The following RYR3 variants were observed in gnomAD, a reference collection of about 807,000 sequenced individuals.
RYR3 encodes the protein ryanodine receptor 3, also known as brain ryanodine receptor-calcium release channel.
Under a neutral mutation model 584.3 loss-of-function variants are expected in RYR3, and 207 were observed. The ratio of observed to expected loss-of-function variants is 0.35; its 90% CI spans 0.32 to 0.40. The LOEUF (loss-of-function observed/expected upper bound fraction) is 0.40. Ranked by LOEUF, RYR3 falls within the 10% of genes least tolerant of loss-of-function variation. The pLI is 1.00. For synonymous variants in RYR3, 2,416 were observed against 2,248.5 expected, an observed-to-expected ratio of 1.07 and a Z score of -2.11; for missense variants, 5,616 against 6,089.2, an observed-to-expected ratio of 0.92 and a Z score of 2.59.
intron 3 of RYR3, among the ~76,000 whole-genome samples, chr15:33,504,441 A>T (rs1240927488): frequency 1.3e-5 from 2 of 152,214 alleles, no homozygotes; most frequent in African/African-American, 4.8e-5. Flanking sequence ...CTCAAATTCA[A>T]CCATTTCTCT....
chr15:33,319,326 C>T (rs1214193162), intron 1 of RYR3, among the ~76,000 whole-genome samples: 1 of 152,156 alleles, frequency 6.6e-6, no homozygotes, highest in East Asian at 1.9e-4. Context: ...GACCAGAAGC[C>T]GAATCCAAGA....
intron 1 of RYR3, among the ~76,000 whole-genome samples, chr15:33,339,381 G>GT (rs1595770461): frequency 1.3e-5 from 2 of 152,224 alleles, no homozygotes; most frequent in Non-Finnish European, 2.9e-5. Flanking sequence ...CAGGGAACGA[G>GT]TTACAAGACT....
At chr15:33,750,606 C>T (rs2071186193) in intron 57 of RYR3, among the ~76,000 whole-genome samples, 1 of 152,164 alleles carries the variant, frequency 6.6e-6, no homozygotes, top group South Asian at 2.1e-4. Flanking sequence ...TTTGTATATT[C>T]TCTTTATTGG....
intron 3 of RYR3, among the ~76,000 whole-genome samples, chr15:33,511,197 A>T (rs1434629660): frequency 6.6e-6 from 1 of 152,070 alleles, no homozygotes; most frequent in African/African-American, 2.4e-5. Context: ...GCTTGCTTAT[A>T]GTTTGTTGAT....
At chr15:33,391,784 A>G (rs1404171130) in intron 1 of RYR3, among the ~76,000 whole-genome samples, 1 of 152,036 alleles carries the variant, frequency 6.6e-6, no homozygotes, top group Non-Finnish European at 1.5e-5. Flanking sequence ...GCCCAATTTG[A>G]TCATTTAGGA....
At chr15:33,818,029 C>G (rs2076910492) in intron 75 of RYR3, among the ~76,000 whole-genome samples, 1 of 152,134 alleles carries the variant, frequency 6.6e-6, no homozygotes, top group South Asian at 2.1e-4. Context: ...CTCTCAGGAG[C>G]AACAAGAATT....
At chr15:33,604,297 T>C (rs1306708492) in intron 18 of RYR3, among the ~76,000 whole-genome samples, 1 of 152,230 alleles carries the variant, frequency 6.6e-6, no homozygotes, top group Non-Finnish European at 1.5e-5. Context: ...GGTAGCTACA[T>C]AACTTATCGC....
At chr15:33,564,255 C>T (rs957677629) in intron 11 of RYR3, among the ~76,000 whole-genome samples, 11 of 152,136 alleles carry the variant, frequency 7.2e-5, no homozygotes, top group South Asian at 4.1e-4. Flanking sequence ...TTCTACATGC[C>T]GTTTCCTCTA....
chr15:33,419,187 A>G (rs1229679006), intron 1 of RYR3, among the ~76,000 whole-genome samples: 1 of 152,232 alleles, frequency 6.6e-6, no homozygotes, highest in Admixed American at 6.5e-5. Flanking sequence ...ACTGAGAAGC[A>G]AGAATTATTA....
rs147327550 is a variant in RYR3 at position 33,735,167 on chromosome 15, T to C, written c.7425-1068T>C. On this transcript the variant is annotated intron_variant, in intron 48 of 103. Coordinates refer to ENST00000634891, the MANE Select transcript of RYR3 (RefSeq NM_001036.6). ...AGGAATTCACAGAATTACAGACTTA[T>C]TGCACTCTTTGTATTCAAGTTAGTG... Among the ~76,000 whole-genome samples the C allele has an allele frequency of 2.2e-4, 33 of 152,330 alleles. 1 individual carries two copies. In the East Asian group the frequency reaches 4.6e-3, roughly 21 times the overall value.
At position 33,342,039 on chromosome 15, in the gene RYR3, G is replaced by A. The variant is rs374648166; in HGVS notation, c.51+30943G>A. 3.9e-5 allele frequency among the ~76,000 whole-genome samples: 6 copies of A among 152,286 alleles called. No homozygotes were observed. The South Asian group carries it at 8.3e-4, about 21-fold the overall frequency. ...CCAGTGCTTCATACCTACTTAGCTC[G>A]AGAAACGAATGATGCAGCAAGGGAA... is the stretch of plus-strand genomic sequence containing the variant. On this transcript the variant is annotated intron_variant, in intron 1 of 103. Transcript: ENST00000634891.
Position 33,700,976 on chromosome 15 carries a change from G to A in RYR3, c.6380-1G>A, listed in dbSNP as rs1484976743. On this transcript the variant is annotated splice_acceptor_variant, in intron 41 of 103. Transcript: ENST00000634891. LOFTEE classifies it high-confidence loss of function. ...TTGCTAATTCTCCCCTCCTCCCTCA[G>A]CCTCCCCGTCGATGAGGGGATCCAC... 1 of 1,610,792 alleles carries A rather than the reference G, an allele frequency of 6.2e-7. No homozygotes were observed. The highest frequency in any genetic ancestry group is 2.2e-5 in the East Asian group (1 of 44,870).
Position 33,660,201 on chromosome 15 carries a change from C to T in RYR3, c.4400C>T (p.Ala1467Val). 1 of 1,551,064 alleles carries T rather than the reference C, an allele frequency of 6.4e-7. No homozygotes were observed. The highest frequency in any genetic ancestry group is 8.7e-7 in the Non-Finnish European group (1 of 1,146,366). ...FQFELGKLKN[A>V]MPLSAAIFRS... is the part of the protein sequence containing the mutation. The stretch of plus-strand genomic sequence containing the variant: ...TGCCTTTCCCACGTGCCCCAGAACG[C>T]AATGCCCCTGTCAGCGGCCATATTC... The change falls in exon 34 of 104, where the codon GCA (alanine) becomes GTA (valine). Residue 1467 changes from alanine to valine, a missense_variant. By Grantham distance (64) the Ala-to-Val change is moderately conservative (BLOSUM62 0). Coordinates refer to ENST00000634891, the MANE Select transcript of RYR3 (RefSeq NM_001036.6).
chr15:33,793,827 A>C (rs1006469105), intron 67 of RYR3, among the ~76,000 whole-genome samples: 3 of 151,004 alleles, frequency 2.0e-5, no homozygotes, highest in African/African-American at 7.3e-5. Context: ...TATAAGGTAA[A>C]TTGTAGTTAC....
At chr15:33,578,394 T>G (rs1051509599) in intron 12 of RYR3, among the ~76,000 whole-genome samples, 2 of 152,120 alleles carry the variant, frequency 1.3e-5, no homozygotes, top group Non-Finnish European at 2.9e-5. Context: ...CAAGAAAATG[T>G]GGAACATATA....
intron 82 of RYR3, 26 bp downstream of exon 82, chr15:33,825,702 C>A: frequency 1.8e-6 from 2 of 1,106,684 alleles, no homozygotes; most frequent in African/African-American, 1.6e-5. Context: ...ATGTGAAGGC[C>A]ATTCTCTTCC....
At chr15:33,459,679 G>T (rs1446966730) in intron 1 of RYR3, among the ~76,000 whole-genome samples, 2 of 152,080 alleles carry the variant, frequency 1.3e-5, no homozygotes, top group Non-Finnish European at 2.9e-5. Flanking sequence ...TGATGAAGTG[G>T]TAGACACCTG....
chr15:33,390,031 T>G lies in RYR3; in HGVS notation c.51+78935T>G, dbSNP rs1287629841. Among the ~76,000 whole-genome samples, 2 of 152,230 alleles carry G rather than the reference T, an allele frequency of 1.3e-5. No individual in the cohort carries two copies. Among genetic ancestry groups the G allele is most frequent in the African/African-American group, 4.8e-5 (2 of 41,468 alleles). On this transcript the variant is annotated intron_variant, in intron 1 of 103. Coordinates refer to ENST00000634891, the MANE Select transcript of RYR3 (RefSeq NM_001036.6). The surrounding 1 kb of genome is among the most constrained non-coding windows in gnomAD (Gnocchi z 4.2). The stretch of plus-strand genomic sequence containing the variant: ...TATGCTGATTAGTTTCCAATTTCTA[T>G]CATTTCAGGTATGTAAATTATTGCT...
At chr15:33,465,581 G>A (rs1384094852) in intron 1 of RYR3, 1 of 397,146 alleles carries the variant, frequency 2.5e-6, no homozygotes, top group Non-Finnish European at 4.9e-6. Flanking sequence ...TAAGAATTCT[G>A]CCTTTTCCTT....
Sources: gnomAD v4.1 joint callset for allele counts (sites outside exome capture counted in the v4.1 genomes callset) on GRCh38, gnomAD v4.1.1 for gene constraint, Gnocchi (gnomAD v3.1) non-coding constraint, MANE v1.5 for transcripts, NCBI Gene and HGNC (gene_info 2026-07-23, HGNC 2026-07-21) for gene names.